The following LAMB3 variants were observed in gnomAD, a reference collection of about 807,000 sequenced individuals.
The protein encoded by LAMB3 is laminin subunit beta 3.
A neutral mutation model predicts 140.3 loss-of-function variants in LAMB3; 104 were observed. The ratio of observed to expected loss-of-function variants is 0.74; its 90% CI spans 0.63 to 0.87. The LOEUF (loss-of-function observed/expected upper bound fraction) is 0.87. Among genes scored for constraint, LAMB3 ranks in the 40% least tolerant of loss-of-function variants. LAMB3 has a pLI of 0.00. For synonymous variants in LAMB3, 592 were observed against 602.9 expected (o/e 0.98, Z 0.26); for missense variants, 1,531 against 1,575.2 (o/e 0.97, Z 0.47).
chr1:209,634,255 C>T (rs1480578729), intron 6 of LAMB3, among the ~76,000 whole-genome samples, 192 bp downstream of exon 6: 1 of 152,050 alleles, frequency 6.6e-6, no homozygotes, highest in Non-Finnish European at 1.5e-5. Context: ...TATCCTTCCT[C>T]AGCAAAGAGG....
chr1:209,628,248 A>G, intron 10 of LAMB3, 58 bp from the exon 11 acceptor site: 1 of 1,539,986 alleles, frequency 6.5e-7, no homozygotes, highest in Admixed American at 2.0e-5. Context: ...TTCAGAGCAG[A>G]TTCCAGGAGC....
chr1:209,620,856 C>T (rs1666163182), intron 18 of LAMB3, among the ~76,000 whole-genome samples: 1 of 152,224 alleles, frequency 6.6e-6, no homozygotes, highest in African/African-American at 2.4e-5. Flanking sequence ...CCTCCTCCCT[C>T]CACAGACTTT....
At chr1:209,616,678 A>C in intron 21 of LAMB3, 54 bp from the exon 22 acceptor site, 1 of 1,578,558 alleles carries the variant, frequency 6.3e-7, no homozygotes, top group Non-Finnish European at 8.7e-7. Flanking sequence ...GGTCCTAAAG[A>C]CCTGTGGCCA....
Position 209,651,010 on chromosome 1 carries a change from A to C in LAMB3, c.-37-29T>G, listed in dbSNP as rs987645136. 7.2e-6 allele frequency: 10 copies of C among 1,397,750 alleles called. No homozygotes were observed. The African/African-American group carries it at 1.4e-4, about 20-fold the overall frequency. 86.6% of individuals were successfully genotyped at this position (1,397,750 alleles called of 1,614,324 possible). On this transcript the variant is annotated intron_variant, in intron 1 of 22. Coordinates refer to ENST00000356082, the MANE Select transcript of LAMB3 (RefSeq NM_000228.3). ...GGACACAGCAAAGCAAACTGGGTACAACAGTGCAAACCCCTAGAGCACACT... is the reference window on the plus strand; with the variant it reads ...GGACACAGCAAAGCAAACTGGGTACCACAGTGCAAACCCCTAGAGCACACT...
At position 209,622,419 on chromosome 1, in the gene LAMB3, G is replaced by A; in HGVS notation, c.2701+117C>T. On this transcript the variant is annotated intron_variant, in intron 18 of 22. Coordinates refer to ENST00000356082, the MANE Select transcript of LAMB3 (RefSeq NM_000228.3). ...GCCATGGTGCCAAGGAGAAGTGGAG[G>A]CCTGGATGTTGCAGGCCTGGGACTA... The A allele has an allele frequency of 4.1e-6, 5 of 1,222,128 alleles. No homozygotes were observed. The South Asian group carries it at 4.9e-5, about 12-fold the overall frequency. The allele number at this position is 1,222,128 out of a possible 1,614,324, so 75.7% of individuals were successfully genotyped here.
chr1:209,630,501 A>T, intron 9 of LAMB3, 114 bp downstream of exon 9: 1 of 1,197,920 alleles, frequency 8.3e-7, no homozygotes, highest in African/African-American at 1.5e-5. Flanking sequence ...AATTCAGTTT[A>T]GATTTACATA....
At position 209,650,126 on chromosome 1, in the gene LAMB3, CA is replaced by C; in HGVS notation, c.29-9del. On this transcript the variant is annotated splice_polypyrimidine_tract_variant and intron_variant, in intron 2 of 22. Transcript: ENST00000356082. The stretch of plus-strand genomic sequence containing the variant: ...GCAGGAGGCCAGGCAGGGCTGAAAT[CA>C]CAGGGATGTGTGATGGAGCAGTCCA... 1 of 1,611,496 alleles carries C rather than the reference CA, an allele frequency of 6.2e-7. No homozygotes were observed. Among genetic ancestry groups the C allele is most frequent in the Non-Finnish European group, 8.5e-7 (1 of 1,179,062 alleles).
Position 209,623,897 on chromosome 1 carries a change from T to C in LAMB3, c.2080A>G (p.Thr694Ala). 6.2e-7 allele frequency: 1 copy of C among 1,614,134 alleles called. No individual in the cohort carries two copies. The highest frequency in any genetic ancestry group is 8.5e-7 in the Non-Finnish European group (1 of 1,179,984). ...SLDRSFNGLL[T>A]MYQRKREQFE... ...TGCTCCCTCTTCCTCTGATACATAGTAAGGAGACCATTGAAGCTTCTGTCA... is the reference window on the plus strand; with the variant it reads ...TGCTCCCTCTTCCTCTGATACATAGCAAGGAGACCATTGAAGCTTCTGTCA... The change falls in exon 15 of 23, where the codon ACT (threonine) becomes GCT (alanine). Residue 694 changes from threonine to alanine, a missense_variant. By Grantham distance (58) the Thr-to-Ala change is moderately conservative. Transcript: ENST00000356082. The surrounding 1 kb of genome is among the most constrained non-coding windows in gnomAD (Gnocchi z 4.2).
At chr1:209,639,237 C>G (rs1571830013) in intron 3 of LAMB3, among the ~76,000 whole-genome samples, 1 of 152,108 alleles carries the variant, frequency 6.6e-6, no homozygotes, top group Non-Finnish European at 1.5e-5. Context: ...TTTCATTTAC[C>G]CAGCAAATGC....
chr1:209,646,191 T>A (rs2076516444), intron 3 of LAMB3, among the ~76,000 whole-genome samples: 1 of 152,202 alleles, frequency 6.6e-6, no homozygotes, highest in African/African-American at 2.4e-5. Context: ...AAATCAGGGA[T>A]GGAAAGCTTT....
chr1:209,642,199 G>T (rs1171375376), intron 3 of LAMB3, among the ~76,000 whole-genome samples: 4 of 152,120 alleles, frequency 2.6e-5, no homozygotes, highest in Non-Finnish European at 5.9e-5. Context: ...ATGAAAAAAA[G>T]CTGGGCATAC....
chr1:209,628,848 T>C (rs145040203), intron 10 of LAMB3, among the ~76,000 whole-genome samples: 154 of 152,346 alleles, frequency 1.0e-3, no homozygotes, highest in Middle Eastern at 6.8e-3. Context: ...GGAACTGTCA[T>C]ATGTTGCCTC....
chr1:209,648,275 C>G (rs1313283445), intron 3 of LAMB3, among the ~76,000 whole-genome samples: 1 of 152,184 alleles, frequency 6.6e-6, no homozygotes, highest in Non-Finnish European at 1.5e-5. Flanking sequence ...CTAATACTCA[C>G]TTACAGAAAA....
intron 5 of LAMB3, among the ~76,000 whole-genome samples, chr1:209,636,405 C>G (rs764043763): frequency 6.6e-6 from 1 of 152,202 alleles, no homozygotes; most frequent in Non-Finnish European, 1.5e-5. Flanking sequence ...AACAGTGCCC[C>G]TGGTTGAGAC....
chr1:209,649,921 C>T (rs370577888), intron 3 of LAMB3, 43 bp downstream of exon 3: 22 of 1,609,764 alleles, frequency 1.4e-5, no homozygotes, highest in Non-Finnish European at 1.8e-5. Flanking sequence ...CTCACACACC[C>T]CTCCCATCCC....
rs367726202 is a variant in LAMB3 at position 209,618,069 on chromosome 1, G to A, written c.2910-21C>T. ...GGCTCCTGGGTGAGAGAAGCAGCAG[G>A]GAGAGGAGAGAGAGAATGAGTGAAC... On this transcript the variant is annotated intron_variant, in intron 19 of 22. Transcript: ENST00000356082. 33 of 1,614,092 alleles carry A rather than the reference G, an allele frequency of 2.0e-5. No individual in the cohort carries two copies. In the African/African-American group the frequency reaches 3.6e-4, roughly 18 times the overall value.
At chr1:209,647,375 G>T (rs752497090) in intron 3 of LAMB3, among the ~76,000 whole-genome samples, 3 of 152,248 alleles carry the variant, frequency 2.0e-5, no homozygotes, top group Non-Finnish European at 2.9e-5. Flanking sequence ...ATTCTGCTGA[G>T]TCGCCCTCTG....
chr1:209,633,234 T>C, intron 6 of LAMB3, 101 bp from the exon 7 acceptor site: 1 of 863,346 alleles, frequency 1.2e-6, no homozygotes, highest in Non-Finnish European at 2.0e-6. Flanking sequence ...ACACTTGAAG[T>C]CCTTGTTACC....
At chr1:209,630,539 G>A (rs1484438090) in intron 9 of LAMB3, 76 bp downstream of exon 9, 1 of 1,515,628 alleles carries the variant, frequency 6.6e-7, no homozygotes, top group Admixed American at 1.7e-5. Context: ...CTGCATCCCA[G>A]GTGAGATCAT....
Sources: allele counts gnomAD v4.1 joint callset (sites outside exome capture counted in the v4.1 genomes callset), GRCh38; gene constraint gnomAD v4.1.1; non-coding constraint Gnocchi (gnomAD v3.1); transcripts MANE v1.5; gene names NCBI Gene and HGNC (gene_info 2026-07-23, HGNC 2026-07-21).